The following NEB variants were observed in gnomAD, a reference collection of about 807,000 sequenced individuals.
The protein encoded by NEB is nemaline myopathy type 2.
In NEB, 512 loss-of-function variants were observed where a neutral mutation model predicts 952.2. The ratio of observed to expected loss-of-function variants is 0.54; its 90% CI spans 0.50 to 0.58. NEB has a LOEUF of 0.58. Ranked by LOEUF, NEB falls within the 20% of genes least tolerant of loss-of-function variation. The pLI is 0.00. For synonymous variants in NEB, 2,900 were observed against 3,149.8 expected (o/e 0.92, Z 2.66); for missense variants, 8,428 against 9,231.1 (o/e 0.91, Z 3.56).
At chr2:151,663,238 T>G (rs1386948755) in intron 45 of NEB, among the ~76,000 whole-genome samples, 1 of 152,202 alleles carries the variant, frequency 6.6e-6, no homozygotes, top group African/African-American at 2.4e-5. Flanking sequence ...AAGCCTATTA[T>G]GCTTTTGACC....
chr2:151,518,267 G>A (rs2079391734), intron 156 of NEB, 51 bp downstream of exon 156: 7 of 1,289,382 alleles, frequency 5.4e-6, no homozygotes, highest in Admixed American at 3.4e-5. Flanking sequence ...TTTTCACATT[G>A]TACTGTGGAT....
chr2:151,710,469 C>T lies in NEB; in HGVS notation c.892G>A (p.Ala298Thr), dbSNP rs1167395953. 1 of 1,612,424 alleles carries T rather than the reference C, an allele frequency of 6.2e-7. No individual in the cohort carries two copies. Among genetic ancestry groups the T allele is most frequent in the South Asian group, 1.1e-5 (1 of 90,894 alleles). The stretch of plus-strand genomic sequence containing the variant: ...TTATCAGCATTCATTCTGGCATTTG[C>T]AACTTCAAAGCAAGGTGTCTCACTC... ...KWSETPCFEV[A>T]NARMNADNIS... is the part of the protein sequence containing the mutation. Residue 298 changes from alanine (A) to threonine (T), a missense_variant, in exon 11 of 182, where the codon GCA becomes ACA. Around this residue, in one of 11 missense-constraint regions of NEB, gnomAD observed 2,851 missense variants for 2,791.5 expected, o/e 1.02. Coordinates refer to ENST00000397345, the MANE Select transcript of NEB (RefSeq NM_001164508.2).
Position 151,551,765 on chromosome 2 carries a change from G to A in NEB, c.19917C>T (p.Ala6639=). 1 of 1,613,532 alleles carries A rather than the reference G, an allele frequency of 6.2e-7. No individual in the cohort carries two copies. The highest frequency in any genetic ancestry group is 8.5e-7 in the Non-Finnish European group (1 of 1,179,658). Residue 6639 remains alanine, a synonymous_variant, in exon 129 of 182, where the codon GCC becomes GCT. Coordinates refer to ENST00000397345, the MANE Select transcript of NEB (RefSeq NM_001164508.2). ...PTTKTVDLDR[A]LHAYKLQSSN... ...AACTCTGGAGCTTGTATGCATGAAGGGCCCGGTCCAGATCCACGGTTTTGG... is the reference window on the plus strand; with the variant it reads ...AACTCTGGAGCTTGTATGCATGAAGAGCCCGGTCCAGATCCACGGTTTTGG...
chr2:151,695,469 T>C (rs1461893904), intron 18 of NEB, 109 bp downstream of exon 18: 1 of 781,860 alleles, frequency 1.3e-6, no homozygotes, highest in East Asian at 2.7e-5. Flanking sequence ...ATGTTAACAG[T>C]TCTTCTCATT....
rs555005834 is a variant in NEB at position 151,617,575 on chromosome 2, A to G, written c.11077-107T>C. The G allele has an allele frequency of 8.2e-5, 52 of 633,432 alleles. No individual in the cohort carries two copies. The African/African-American group carries it at 8.3e-4, about 10-fold the overall frequency. 39.2% of individuals were successfully genotyped at this position (633,432 alleles called of 1,614,324 possible). A position where few individuals can be genotyped will look rare whatever the true frequency, so the allele number is the denominator to read the frequency against. Reference sequence around the variant, plus strand: ...CAGTCATCTCTCTTGTATACAAGGTAGAAATAAAATTATTAAAGCTGCATA... The same window carrying G: ...CAGTCATCTCTCTTGTATACAAGGTGGAAATAAAATTATTAAAGCTGCATA... On this transcript the variant is annotated intron_variant, in intron 74 of 181. Transcript: ENST00000397345.
Position 151,540,721 on chromosome 2 carries a change from T to C in NEB, c.20763A>G (p.Lys6921=), listed in dbSNP as rs2093930988. 1 of 1,613,652 alleles carries C rather than the reference T, an allele frequency of 6.2e-7. No individual in the cohort carries two copies. The highest frequency in any genetic ancestry group is 8.5e-7 in the Non-Finnish European group (1 of 1,179,650). The stretch of plus-strand genomic sequence containing the variant: ...CCTCACTGACCATGTCCTTCACGTC[T>C]TTAGCATGCTTCAAGGCTGTGGTCT... ...GNQTTALKHA[K]DVKDMVSEKK... is the part of the protein sequence containing the mutation. The change falls in exon 137 of 182, where the codon AAA becomes AAG. Residue 6921 remains lysine, a synonymous_variant. Coordinates refer to ENST00000397345, the MANE Select transcript of NEB (RefSeq NM_001164508.2).
At chr2:151,656,566 T>A (rs1260664264) in intron 48 of NEB, 102 bp from the exon 49 acceptor site, 1 of 616,356 alleles carries the variant, frequency 1.6e-6, no homozygotes, top group Non-Finnish European at 2.3e-6. Context: ...TAAAATATAA[T>A]TAAAAATTAT....
intron 10 of NEB, among the ~76,000 whole-genome samples, chr2:151,711,107 G>A (rs1234355944): frequency 6.6e-6 from 1 of 152,190 alleles, no homozygotes; most frequent in Non-Finnish European, 1.5e-5. Flanking sequence ...CAGGCTGTAA[G>A]GCTCCTGGAA....
At chr2:151,686,583 T>C (rs2099500996) in intron 27 of NEB, among the ~76,000 whole-genome samples, 1 of 152,196 alleles carries the variant, frequency 6.6e-6, no homozygotes, top group South Asian at 2.1e-4. Context: ...TAAAGTGCTA[T>C]GTAATGACAG....
chr2:151,497,045 G>C lies in NEB; in HGVS notation c.24301-12C>G. 6.4e-7 allele frequency: 1 copy of C among 1,559,672 alleles called. No individual in the cohort carries two copies. Among genetic ancestry groups the C allele is most frequent in the Non-Finnish European group, 8.7e-7 (1 of 1,150,138 alleles). ...TCTTTGTATAACACCTGTGCGATAA[G>C]AAAGCAACCAGAAAAACAACCATGA... is the stretch of plus-strand genomic sequence containing the variant. On this transcript the variant is annotated splice_polypyrimidine_tract_variant and intron_variant, in intron 171 of 181. Transcript: ENST00000397345.
rs753947526 is a variant in NEB at position 151,639,887 on chromosome 2, C to G, written c.8859G>C (p.Leu2953Phe). ...TSVTDSLEQV[L>F]AKNNAITMNK... Reference sequence around the variant, plus strand: ...TCATAGTGATGGCATTATTTTTGGCCAACACTTGTTCCAGAGAGTCAGTCA... The same window carrying G: ...TCATAGTGATGGCATTATTTTTGGCGAACACTTGTTCCAGAGAGTCAGTCA... The change falls in exon 62 of 182, where the codon TTG (leucine) becomes TTC (phenylalanine). Residue 2953 changes from leucine to phenylalanine, a missense_variant. Physicochemically the swap from Leu to Phe is conservative, Grantham distance 22. Coordinates refer to ENST00000397345, the MANE Select transcript of NEB (RefSeq NM_001164508.2). 1 of 1,613,520 alleles carries G rather than the reference C, an allele frequency of 6.2e-7. No individual in the cohort carries two copies. The highest frequency in any genetic ancestry group is 1.1e-5 in the South Asian group (1 of 91,024).
intron 10 of NEB, among the ~76,000 whole-genome samples, chr2:151,711,361 G>C (rs887886759): frequency 1.3e-5 from 2 of 152,184 alleles, no homozygotes; most frequent in Non-Finnish European, 2.9e-5. Context: ...TCATAAAAAT[G>C]TGTTAACAGA....
At chr2:151,649,206 C>T (rs1475587619) in intron 54 of NEB, among the ~76,000 whole-genome samples, 2 of 152,030 alleles carry the variant, frequency 1.3e-5, no homozygotes, top group African/African-American at 2.4e-5. Context: ...TAAGTAAATG[C>T]TTAAACATTC....
rs149649421 is a variant in NEB at position 151,651,577 on chromosome 2, G to A, written c.6916-692C>T. Among the ~76,000 whole-genome samples the A allele has an allele frequency of 3.4e-3, 521 of 152,226 alleles. 3 individuals carry two copies. The highest frequency in any genetic ancestry group is 0.012 in the African/African-American group (489 of 41,518). ...AGATTAGGAAGAAAATTCCACAGGA[G>A]CTCAACATACTGCCAAATGGGTCAA... is the stretch of plus-strand genomic sequence containing the variant. On this transcript the variant is annotated intron_variant, in intron 52 of 181. Coordinates refer to ENST00000397345, the MANE Select transcript of NEB (RefSeq NM_001164508.2).
intron 71 of NEB, 92 bp downstream of exon 71, chr2:151,625,442 G>T: frequency 3.1e-6 from 3 of 955,536 alleles, no homozygotes; most frequent in Non-Finnish European, 3.0e-6. Context: ...AAGCTAACTG[G>T]CTTACATGAG....
intron 28 of NEB, among the ~76,000 whole-genome samples, chr2:151,684,099 G>C (rs2099462296): frequency 6.6e-6 from 1 of 152,132 alleles, no homozygotes; most frequent in African/African-American, 2.4e-5. Context: ...AATGAATACA[G>C]AATTTCAGTC....
chr2:151,683,903 G>A (rs1255913920), intron 28 of NEB, among the ~76,000 whole-genome samples: 3 of 152,134 alleles, frequency 2.0e-5, no homozygotes, highest in Non-Finnish European at 2.9e-5. Context: ...AGGAAATTCT[G>A]ATACATGCTA....
intron 76 of NEB, among the ~76,000 whole-genome samples, chr2:151,615,112 A>C (rs946312180): frequency 3.9e-5 from 6 of 152,174 alleles, no homozygotes; most frequent in African/African-American, 1.4e-4. Flanking sequence ...TTTCACTATG[A>C]GTCAGTTTAT....
In NEB at chr2:151,505,585, A is replaced by G; in HGVS notation, c.23650-15T>C. 2 of 1,595,552 alleles carry G rather than the reference A, an allele frequency of 1.3e-6. No homozygotes were observed. The highest frequency in any genetic ancestry group is 1.7e-6 in the Non-Finnish European group (2 of 1,163,144). ...TTATACTTCACCTGCAGATTTAAAA[A>G]TGGGAAAAGAAAGGTATTATTACAT... On this transcript the variant is annotated splice_polypyrimidine_tract_variant and intron_variant, in intron 164 of 181. Coordinates refer to ENST00000397345, the MANE Select transcript of NEB (RefSeq NM_001164508.2).
Sources: allele counts gnomAD v4.1 joint callset (sites outside exome capture counted in the v4.1 genomes callset), GRCh38; gene constraint gnomAD v4.1.1; regional missense constraint gnomAD v4.1.1; transcripts MANE v1.5; gene names NCBI Gene and HGNC (gene_info 2026-07-23, HGNC 2026-07-21).